Variants in SUCLG2 observed in about 807,000 individuals in gnomAD.
SUCLG2 encodes succinate-CoA ligase GDP-forming subunit beta.
Under a neutral mutation model 47.9 loss-of-function variants are expected in SUCLG2, and 42 were observed. The ratio of observed to expected loss-of-function variants is 0.88; its 90% CI spans 0.69 to 1.14. SUCLG2 has a LOEUF of 1.14. Ranked by LOEUF, SUCLG2 falls within the 50% of genes most tolerant of loss-of-function variation. The pLI is 0.00. For synonymous variants in SUCLG2, 195 were observed against 197.3 expected (o/e 0.99, Z 0.10); for missense variants, 571 against 525.9 (o/e 1.09, Z -0.84).
chr3:67,595,568 T>G (rs1476905644), intron 2 of SUCLG2, among the ~76,000 whole-genome samples: 1 of 152,106 alleles, frequency 6.6e-6, no homozygotes, highest in Non-Finnish European at 1.5e-5. Context: ...TGAACATGGC[T>G]CTGGACGCTG....
chr3:67,381,445 G>C (rs1403268626), intron 10 of SUCLG2, among the ~76,000 whole-genome samples: 1 of 152,112 alleles, frequency 6.6e-6, no homozygotes, highest in African/African-American at 2.4e-5. Flanking sequence ...TATCATAGCT[G>C]CTTTAAACTC....
At chr3:67,371,221 A>C (rs536853167), downstream of SUCLG2, among the ~76,000 whole-genome samples, 119 of 152,174 alleles carry the variant, frequency 7.8e-4, 1 homozygote, top group Non-Finnish European at 7.5e-4. Context: ...CAAGAACAAC[A>C]ACAACAAAAA....
intron 9 of SUCLG2, among the ~76,000 whole-genome samples, chr3:67,469,784 G>A (rs775841444): frequency 7.3e-5 from 11 of 151,182 alleles, no homozygotes; most frequent in Non-Finnish European, 1.5e-4. Flanking sequence ...GGTGGCTCAC[G>A]CCTATAATCC....
At chr3:67,531,129 AT>A (rs1018378488) in intron 2 of SUCLG2, among the ~76,000 whole-genome samples, 1 of 152,200 alleles carries the variant, frequency 6.6e-6, no homozygotes, top group Non-Finnish European at 1.5e-5. Context: ...TGCCTGGCAC[AT>A]TTTTTTAAAG....
chr3:67,376,227 T>C (rs951823619), intron 10 of SUCLG2: 3 of 985,410 alleles, frequency 3.0e-6, no homozygotes, highest in Non-Finnish European at 3.6e-6. Flanking sequence ...GTGACCTGAT[T>C]TGAGAAAGGA....
At chr3:67,438,065 G>A (rs1308877872) in intron 9 of SUCLG2, among the ~76,000 whole-genome samples, 3 of 152,154 alleles carry the variant, frequency 2.0e-5, no homozygotes, top group African/African-American at 7.2e-5. Context: ...CAGAACTCAG[G>A]ATTAAGAAAC....
At position 67,559,949 on chromosome 3, in the gene SUCLG2, TG is replaced by T. The variant is rs1707265153; in HGVS notation, c.227-30764del. 2.9e-5 allele frequency among the ~76,000 whole-genome samples: 4 copies of T among 137,046 alleles called. No homozygotes were observed. The South Asian group carries it at 9.9e-4, about 34-fold the overall frequency. The allele number at this position is 137,046 out of a possible 152,430, so 89.9% of individuals were successfully genotyped here. A position where few individuals can be genotyped will look rare whatever the true frequency, so the allele number is the denominator to read the frequency against. On this transcript the variant is annotated intron_variant, in intron 2 of 10. Coordinates refer to ENST00000307227, the MANE Select transcript of SUCLG2 (RefSeq NM_003848.4). ...CCATGCTGGTGGGGGATGTTGGTAT[TG>T]GGGGAGGCTGTGCAGTTGTCGGGGG...
chr3:67,611,746 C>T lies in SUCLG2; in HGVS notation c.85-2150G>A, dbSNP rs9875474. On this transcript the variant is annotated intron_variant, in intron 1 of 10. Transcript: ENST00000307227. ...GTCAATTCCTTTTCATCAGAACACT[C>T]GCCATATTAATTTTAGATATGTTAA... Among the ~76,000 whole-genome samples, 86 of 152,096 alleles carry T rather than the reference C, an allele frequency of 5.7e-4. No individual in the cohort carries two copies. The South Asian group carries it at 0.011, about 20-fold the overall frequency.
intron 1 of SUCLG2, among the ~76,000 whole-genome samples, chr3:67,632,658 C>T (rs919001851): frequency 6.6e-6 from 1 of 152,048 alleles, no homozygotes; most frequent in African/African-American, 2.4e-5. Flanking sequence ...ACAAGCTGAC[C>T]AGGGAATGGG....
chr3:67,515,324 T>A (rs565695729), intron 6 of SUCLG2, among the ~76,000 whole-genome samples: 2 of 152,290 alleles, frequency 1.3e-5, no homozygotes, highest in Non-Finnish European at 2.9e-5. Context: ...CTGGAAGTCT[T>A]GGGACGTATC....
At chr3:67,432,169 T>C (rs1703500843) in intron 9 of SUCLG2, among the ~76,000 whole-genome samples, 1 of 152,208 alleles carries the variant, frequency 6.6e-6, no homozygotes, top group Non-Finnish European at 1.5e-5. Context: ...AGTACACGCC[T>C]GGCAGATGAC....
At chr3:67,405,786 T>C (rs565452654) in intron 9 of SUCLG2, among the ~76,000 whole-genome samples, 29 of 152,330 alleles carry the variant, frequency 1.9e-4, no homozygotes, top group Admixed American at 7.2e-4. Context: ...CTAGAGTTGA[T>C]ATATGAATAG....
intron 1 of SUCLG2, among the ~76,000 whole-genome samples, chr3:67,635,556 G>A (rs1559606739): frequency 6.6e-6 from 1 of 152,126 alleles, no homozygotes. Flanking sequence ...TCAGCCTTAT[G>A]CATGTGTTGT....
chr3:67,446,368 A>AAAAAG lies in SUCLG2; in HGVS notation c.1063-45518_1063-45517insCTTTT, dbSNP rs1553644792. Among the ~76,000 whole-genome samples, 2 of 20,716 alleles carry AAAAAG rather than the reference A, an allele frequency of 9.7e-5. 1 individual carries two copies. Among genetic ancestry groups the AAAAAG allele is most frequent in the Non-Finnish European group, 2.7e-4 (2 of 7,496 alleles). The allele number at this position is 20,716 out of a possible 152,430, so 13.6% of individuals were successfully genotyped here. ...ACATTTGTATATAAAAAAAAAAAAA[A>AAAAAG]AAAAAAAGAAATTAGATCTCTCCGG... is the stretch of plus-strand genomic sequence containing the variant. On this transcript the variant is annotated intron_variant, in intron 9 of 10. Transcript: ENST00000307227.
intron 1 of SUCLG2, among the ~76,000 whole-genome samples, chr3:67,651,043 CCT>C (rs1371016747): frequency 6.6e-6 from 1 of 152,198 alleles, no homozygotes; most frequent in Non-Finnish European, 1.5e-5. Flanking sequence ...CAACATGGCC[CCT>C]GTCTACCAGG....
At chr3:67,503,648 C>T (rs1705560891) in intron 7 of SUCLG2, among the ~76,000 whole-genome samples, 1 of 152,172 alleles carries the variant, frequency 6.6e-6, no homozygotes, top group Non-Finnish European at 1.5e-5. Context: ...AAAGAAAATT[C>T]ATCTTGAACA....
intron 2 of SUCLG2, among the ~76,000 whole-genome samples, chr3:67,605,262 C>A (rs1700388526): frequency 6.6e-6 from 1 of 152,148 alleles, no homozygotes; most frequent in Admixed American, 6.5e-5. Flanking sequence ...CAATCGTGCT[C>A]TTGGTTCTGT....
intron 9 of SUCLG2, among the ~76,000 whole-genome samples, chr3:67,405,714 G>C (rs186723218): frequency 1.3e-5 from 2 of 152,124 alleles, no homozygotes; most frequent in Admixed American, 6.5e-5. Context: ...TGAATTCTTC[G>C]CAGCTGTCCA....
chr3:67,572,292 A>G (rs1345639982), intron 2 of SUCLG2, among the ~76,000 whole-genome samples: 1 of 152,228 alleles, frequency 6.6e-6, no homozygotes. Context: ...AACACCTAGC[A>G]CACTGTATAT....
Sources: gnomAD v4.1 joint callset for allele counts (sites outside exome capture counted in the v4.1 genomes callset) on GRCh38, gnomAD v4.1.1 for gene constraint, MANE v1.5 for transcripts, NCBI Gene and HGNC (gene_info 2026-07-23, HGNC 2026-07-21) for gene names.